Variants in COL11A1 observed in about 807,000 individuals in gnomAD.
COL11A1 encodes collagen type XI alpha 1 chain.
In COL11A1, 74 loss-of-function variants were observed where a neutral mutation model predicts 265.2. That is an observed-to-expected ratio of 0.28 (90% CI 0.23 to 0.34). The LOEUF (loss-of-function observed/expected upper bound fraction) is 0.34. Ranked by LOEUF, COL11A1 falls within the 10% of genes least tolerant of loss-of-function variation. COL11A1 has a pLI of 1.00. For synonymous variants in COL11A1, 816 were observed against 727.6 expected (o/e 1.12, Z -1.96); for missense variants, 2,165 against 2,263.6 (o/e 0.96, Z 0.88).
intron 5 of COL11A1, among the ~76,000 whole-genome samples, chr1:103,027,182 T>C (rs1348326914): frequency 6.6e-6 from 1 of 151,070 alleles, no homozygotes; most frequent in Non-Finnish European, 1.5e-5. Context: ...ATATGTTTCT[T>C]AATAGAGGGA....
intron 30 of COL11A1, among the ~76,000 whole-genome samples, chr1:102,986,307 G>A (rs566518798): frequency 4.6e-5 from 7 of 150,564 alleles, no homozygotes; most frequent in South Asian, 2.1e-4. Flanking sequence ...GCAAACTATC[G>A]CAAGGACAAA....
intron 26 of COL11A1, among the ~76,000 whole-genome samples, chr1:102,996,480 A>G (rs1664639655): frequency 6.6e-6 from 1 of 151,776 alleles, no homozygotes; most frequent in South Asian, 2.1e-4. Flanking sequence ...TATAATCAAA[A>G]TTATATATCT....
At chr1:103,095,322 C>T (rs867798929) in intron 1 of COL11A1, among the ~76,000 whole-genome samples, 2 of 151,904 alleles carry the variant, frequency 1.3e-5, no homozygotes, top group South Asian at 2.1e-4. Flanking sequence ...TCTTTAAATG[C>T]ACCATCATTT....
Position 102,962,683 on chromosome 1 carries a change from A to G in COL11A1, c.2994T>C (p.Leu998=), listed in dbSNP as rs1661033425. The G allele has an allele frequency of 1.9e-6, 3 of 1,614,140 alleles. No homozygotes were observed. The highest frequency in any genetic ancestry group is 1.7e-6 in the Non-Finnish European group (2 of 1,180,004). Reference sequence around the variant, plus strand: ...CACCTTCTTTTCCTGCAGCACCAGGAAGACCTTGCTCACCAGGAGGGCCAG... The same window carrying G: ...CACCTTCTTTTCCTGCAGCACCAGGGAGACCTTGCTCACCAGGAGGGCCAG... The part of the protein sequence containing the change: ...GPPGPPGEQG[L]PGAAGKEGAK... Residue 998 remains leucine, a synonymous_variant, in exon 39 of 67, where the codon CTT becomes CTC. Transcript: ENST00000370096.
At position 103,022,933 on chromosome 1, in the gene COL11A1, T is replaced by A. The variant is rs1402379236; in HGVS notation, c.1054A>T (p.Arg352Trp). ...YLTGEDYDSQ[R>W]KNSEDTLYEN... is the part of the protein sequence containing the mutation. The stretch of plus-strand genomic sequence containing the variant: ...TATAGTGTATCCTCAGAATTTTTCC[T>A]CTGGGAATCATAATCCTCTCCCGTT... The change falls in exon 8 of 67, where the codon AGG becomes TGG. Residue 352 changes from arginine (R) to tryptophan (W), a missense_variant. Physicochemically the swap from Arg to Trp is moderately radical, Grantham distance 101. Coordinates refer to ENST00000370096, the MANE Select transcript of COL11A1 (RefSeq NM_001854.4). The A allele has an allele frequency of 1.2e-6, 2 of 1,613,556 alleles. No homozygotes were observed. Among genetic ancestry groups the A allele is most frequent in the Non-Finnish European group, 8.5e-7 (1 of 1,179,792 alleles).
chr1:103,028,050 G>C (rs1337990251), intron 5 of COL11A1, among the ~76,000 whole-genome samples: 2 of 150,034 alleles, frequency 1.3e-5, no homozygotes, highest in Non-Finnish European at 3.0e-5. Flanking sequence ...TTGTTTTTGA[G>C]ATGGAGTCGC....
intron 42 of COL11A1, among the ~76,000 whole-genome samples, chr1:102,945,659 T>TA (rs1659186534): frequency 6.6e-6 from 1 of 152,188 alleles, no homozygotes; most frequent in African/African-American, 2.4e-5. Context: ...CAATACTTTT[T>TA]ATCTACATTT....
rs1656402595 is a variant in COL11A1 at position 102,924,796 on chromosome 1, AATACTCT to A, written c.3601-1414_3601-1408del. 2.0e-5 allele frequency among the ~76,000 whole-genome samples: 3 copies of A among 152,166 alleles called. No homozygotes were observed. The South Asian group carries it at 6.2e-4, about 31-fold the overall frequency. On this transcript the variant is annotated intron_variant, in intron 46 of 66. Transcript: ENST00000370096. The stretch of plus-strand genomic sequence containing the variant: ...GTTATGTGACTATTAATGTGATACT[AATACTCT>A]AAACATGAATAATATATACAACAAA...
At chr1:103,072,567 A>G (rs988267134) in intron 4 of COL11A1, among the ~76,000 whole-genome samples, 8 of 151,812 alleles carry the variant, frequency 5.3e-5, no homozygotes, top group Non-Finnish European at 7.4e-5. Context: ...TATAATATAA[A>G]CCAAAAATAA....
At chr1:103,088,166 T>G (rs1673026349) in intron 1 of COL11A1, among the ~76,000 whole-genome samples, 1 of 152,190 alleles carries the variant, frequency 6.6e-6, no homozygotes, top group Admixed American at 6.5e-5. Flanking sequence ...TCTCTAAGCT[T>G]CTTTGCACAC....
At chr1:102,896,063 A>T (rs528713221) in intron 57 of COL11A1, among the ~76,000 whole-genome samples, 56 of 152,064 alleles carry the variant, frequency 3.7e-4, no homozygotes, top group Non-Finnish European at 7.8e-4. Flanking sequence ...TGTTGATATA[A>T]AAGTGATTTA....
intron 41 of COL11A1, among the ~76,000 whole-genome samples, chr1:102,960,729 AAGGG>A (rs1276606246): frequency 2.0e-5 from 3 of 149,850 alleles, no homozygotes; most frequent in Non-Finnish European, 4.5e-5. Flanking sequence ...GTAGAATTAA[AAGGG>A]AGGCATGAAG....
intron 1 of COL11A1, among the ~76,000 whole-genome samples, chr1:103,091,249 TG>T (rs1334691281): frequency 3.3e-5 from 5 of 152,234 alleles, no homozygotes; most frequent in Middle Eastern, 3.4e-3. Flanking sequence ...TTTCATTTAT[TG>T]TAAATACATA....
intron 28 of COL11A1, among the ~76,000 whole-genome samples, chr1:102,993,684 C>T (rs1020538602): frequency 2.0e-5 from 3 of 151,880 alleles, no homozygotes; most frequent in East Asian, 1.9e-4. Flanking sequence ...ACCACAGGTG[C>T]GCATCACAGT....
intron 41 of COL11A1, among the ~76,000 whole-genome samples, chr1:102,947,635 A>G (rs1351149834): frequency 6.6e-6 from 1 of 152,012 alleles, no homozygotes; most frequent in African/African-American, 2.4e-5. Flanking sequence ...TTCAAAAAAG[A>G]TGTAATGCTT....
In COL11A1 at chr1:103,031,362, T is replaced by A. The variant is rs1667987790; in HGVS notation, c.652-118A>T. The A allele has an allele frequency of 9.8e-6, 12 of 1,224,338 alleles. 1 individual carries two copies. In the South Asian group the frequency reaches 1.5e-4, roughly 15 times the overall value. The allele number at this position is 1,224,338 out of a possible 1,614,324, so 75.8% of individuals were successfully genotyped here. Reference sequence around the variant, plus strand: ...AAATATTTGAAGAAGAAAAATGACCTACTTATATTTCAATGTTAAGAAGAG... The same window carrying A: ...AAATATTTGAAGAAGAAAAATGACCAACTTATATTTCAATGTTAAGAAGAG... On this transcript the variant is annotated intron_variant, in intron 4 of 66. Coordinates refer to ENST00000370096, the MANE Select transcript of COL11A1 (RefSeq NM_001854.4).
At chr1:102,912,690 T>A (rs1332797728) in intron 53 of COL11A1, among the ~76,000 whole-genome samples, 1 of 152,328 alleles carries the variant, frequency 6.6e-6, no homozygotes, top group East Asian at 1.9e-4. Flanking sequence ...TGAATTGTAG[T>A]TCCTATAATC....
intron 28 of COL11A1, 94 bp from the exon 29 acceptor site, chr1:102,989,665 G>T: frequency 1.3e-6 from 1 of 794,836 alleles, no homozygotes; most frequent in Non-Finnish European, 2.1e-6. Context: ...TGATAACGAG[G>T]GAAAATTATT....
Position 103,104,973 on chromosome 1 carries a change from G to C in COL11A1, c.106+3100C>G, listed in dbSNP as rs187594610. On this transcript the variant is annotated intron_variant, in intron 1 of 66. Coordinates refer to ENST00000370096, the MANE Select transcript of COL11A1 (RefSeq NM_001854.4). ...TCTTCAGGGCTCACTATCGATTCCT[G>C]ACAAGCTTCCAAAGTTCCCAGTTTG... Among the ~76,000 whole-genome samples the C allele has an allele frequency of 7.4e-4, 113 of 152,190 alleles. 2 individuals are homozygous for C. Among genetic ancestry groups the C allele is most frequent in the Non-Finnish European group, 1.1e-3 (77 of 68,008 alleles).
Sources: gnomAD v4.1 joint callset for allele counts (sites outside exome capture counted in the v4.1 genomes callset) on GRCh38, gnomAD v4.1.1 for gene constraint, MANE v1.5 for transcripts, NCBI Gene and HGNC (gene_info 2026-07-23, HGNC 2026-07-21) for gene names.